MYO6: variants seen among roughly 807,000 people sequenced by gnomAD.
The protein encoded by MYO6 is unconventional myosin-VI.
MYO6 carries 74 observed loss-of-function variants against 178.7 expected under a neutral mutation model. The ratio of observed to expected loss-of-function variants is 0.41; its 90% CI spans 0.34 to 0.50. The LOEUF is 0.50. MYO6 is among the 20% of genes least tolerant of loss of function. MYO6 has a pLI of 0.09. For synonymous variants in MYO6, 477 were observed against 504.6 expected (o/e 0.95, Z 0.73); for missense variants, 1,330 against 1,547.4 (o/e 0.86, Z 2.36).
intron 30 of MYO6, among the ~76,000 whole-genome samples, chr6:75,901,515 GCTCT>G (rs1369507988): frequency 6.6e-6 from 1 of 151,980 alleles, no homozygotes; most frequent in East Asian, 1.9e-4. Flanking sequence ...TCGTGATTTG[GCTCT>G]CTGTTTGTCT....
chr6:75,808,278 G>A (rs1284544625), intron 1 of MYO6, among the ~76,000 whole-genome samples: 1 of 152,104 alleles, frequency 6.6e-6, no homozygotes, highest in Non-Finnish European at 1.5e-5. Context: ...ACCGTGGTTG[G>A]GTTCTGATAA....
chr6:75,879,570 C>T (rs568991276), intron 20 of MYO6, among the ~76,000 whole-genome samples: 12 of 151,968 alleles, frequency 7.9e-5, no homozygotes, highest in Non-Finnish European at 1.8e-4. Flanking sequence ...CTTGATCTGT[C>T]TAGAGACCAA....
intron 30 of MYO6, among the ~76,000 whole-genome samples, chr6:75,901,083 A>C (rs941711954): frequency 1.3e-5 from 2 of 152,112 alleles, no homozygotes; most frequent in East Asian, 1.9e-4. Flanking sequence ...GTTCTGTTGC[A>C]TTGATCTATA....
intron 1 of MYO6, among the ~76,000 whole-genome samples, chr6:75,805,021 A>ATATATATATTTTTTTTTT (rs1252912172): frequency 3.9e-5 from 3 of 77,284 alleles, no homozygotes; most frequent in African/African-American, 3.0e-4. Context: ...ATATATATAT[A>ATATATATATTTTTTTTTT]TTTTTTTTTT....
intron 19 of MYO6, among the ~76,000 whole-genome samples, chr6:75,870,947 T>C (rs139040686): frequency 1.3e-5 from 2 of 152,274 alleles, no homozygotes; most frequent in African/African-American, 4.8e-5. Context: ...TAAGTGGTAA[T>C]AGTGGAGAAT....
At chr6:75,821,041 CAATT>C (rs1442741890) in intron 2 of MYO6, among the ~76,000 whole-genome samples, 1 of 152,078 alleles carries the variant, frequency 6.6e-6, no homozygotes, top group Admixed American at 6.5e-5. Flanking sequence ...TAAGAGAAAA[CAATT>C]AATGAAACAT....
chr6:75,761,592 A>AACACACACACACACAC (rs3057486), intron 1 of MYO6, among the ~76,000 whole-genome samples: 57 of 143,042 alleles, frequency 4.0e-4, no homozygotes, highest in Admixed American at 1.2e-3. Context: ...GGGCTGTTAG[A>AACACACACACACACAC]ACACACACAC....
chr6:75,822,378 A>G (rs532749293), intron 2 of MYO6, among the ~76,000 whole-genome samples: 2 of 152,192 alleles, frequency 1.3e-5, no homozygotes. Flanking sequence ...GATTATAGGC[A>G]TGAGCCACTG....
chr6:75,759,535 G>A (rs1777766693), intron 1 of MYO6, among the ~76,000 whole-genome samples: 1 of 151,966 alleles, frequency 6.6e-6, no homozygotes, highest in East Asian at 1.9e-4. Context: ...AGTCTCCACC[G>A]GTGACTTACT....
chr6:75,871,066 T>A (rs1226285301), intron 19 of MYO6, among the ~76,000 whole-genome samples: 5 of 152,162 alleles, frequency 3.3e-5, no homozygotes, highest in Non-Finnish European at 7.4e-5. Flanking sequence ...GACAAAATAT[T>A]TTTGTGCCCT....
chr6:75,790,111 A>G (rs1454910388), intron 1 of MYO6, among the ~76,000 whole-genome samples: 2 of 152,146 alleles, frequency 1.3e-5, no homozygotes, highest in Non-Finnish European at 2.9e-5. Context: ...GTAGATGGGC[A>G]TTTAGGTTGA....
intron 3 of MYO6, among the ~76,000 whole-genome samples, 161 bp from the exon 4 acceptor site, chr6:75,828,379 T>C (rs545139468): frequency 1.3e-5 from 2 of 152,292 alleles, no homozygotes; most frequent in East Asian, 1.9e-4. Flanking sequence ...TTAAATCAGC[T>C]TCTAGGGTTT....
intron 1 of MYO6, among the ~76,000 whole-genome samples, chr6:75,771,838 C>T (rs1302980354): frequency 6.6e-6 from 1 of 152,050 alleles, no homozygotes; most frequent in Non-Finnish European, 1.5e-5. Flanking sequence ...AGTTCAATTA[C>T]TTATCTTTTT....
rs1215829813 is a variant in MYO6, at chr6:75,907,618, C to G, written c.3190C>G (p.Leu1064Val). ...SEFLSRGPAV[L>V]ATKAAAGTKK... ...TAATAATTACAGAGGTCCTGCTGTA[C>G]TAGCCACCAAAGCAGCTGCTGGTAC... Residue 1064 changes from leucine to valine, a missense_variant, in exon 31 of 35, where the codon CTA becomes GTA. By Grantham distance (32) the Leu-to-Val change is conservative (BLOSUM62 1). Around this residue, in one of 3 missense-constraint regions of MYO6, gnomAD observed 601 missense variants for 626.1 expected, o/e 0.96. Coordinates refer to ENST00000369977, the MANE Select transcript of MYO6 (RefSeq NM_004999.4). The G allele has an allele frequency of 1.2e-6, 2 of 1,612,714 alleles. No homozygotes were observed. Among genetic ancestry groups the G allele is most frequent in the East Asian group, 2.2e-5 (1 of 44,858 alleles).
intron 11 of MYO6, among the ~76,000 whole-genome samples, chr6:75,852,368 A>G (rs1234073870): frequency 2.6e-5 from 4 of 152,104 alleles, no homozygotes; most frequent in Non-Finnish European, 5.9e-5. Flanking sequence ...GATCTAGTTA[A>G]TATACCATAC....
chr6:75,813,239 G>A (rs187467527), intron 1 of MYO6, among the ~76,000 whole-genome samples: 1 of 152,244 alleles, frequency 6.6e-6, no homozygotes, highest in Non-Finnish European at 1.5e-5. Context: ...TGGCACCCAA[G>A]CCACAGATCA....
chr6:75,755,774 C>G (rs1442245996), intron 1 of MYO6, among the ~76,000 whole-genome samples: 2 of 152,168 alleles, frequency 1.3e-5, no homozygotes, highest in Non-Finnish European at 2.9e-5. Context: ...GGACCAGGCA[C>G]TATTCTAAGT....
Position 75,873,284 on chromosome 6 carries a change from T to C in MYO6, c.2061T>C (p.Ser687=), listed in dbSNP as rs1777294147. 6.2e-7 allele frequency: 1 copy of C among 1,612,992 alleles called. No homozygotes were observed. The highest frequency in any genetic ancestry group is 8.5e-7 in the Non-Finnish European group (1 of 1,178,960). ...SHHFEGAQIL[S]QLQCSGMVSV... is the part of the protein sequence containing the mutation. ...ACTTTGAAGGTGCTCAAATTCTGTC[T>C]CAGCTTCAGTGTTCAGGTATTTTCA... The change falls in exon 20 of 35, where the codon TCT becomes TCC. Residue 687 remains serine, a synonymous_variant. Transcript: ENST00000369977.
chr6:75,822,930 A>G (rs1772051954), intron 3 of MYO6, 79 bp downstream of exon 3: 1 of 1,107,814 alleles, frequency 9.0e-7, no homozygotes. Flanking sequence ...GTGGTTATAT[A>G]ACTGATACAC....
Sources: gnomAD v4.1 joint callset for allele counts (sites outside exome capture counted in the v4.1 genomes callset) on GRCh38, gnomAD v4.1.1 for gene constraint, gnomAD v4.1.1 regional missense constraint, MANE v1.5 for transcripts, NCBI Gene and HGNC (gene_info 2026-07-23, HGNC 2026-07-21) for gene names.